The following HAO1 variants were observed in gnomAD, a reference collection of about 807,000 sequenced individuals.
The protein encoded by HAO1 is 2-Hydroxyacid oxidase 1.
HAO1 carries 34 observed loss-of-function variants against 39.7 expected under a neutral mutation model. The ratio of observed to expected loss-of-function variants is 0.86; its 90% CI spans 0.65 to 1.14. The LOEUF is 1.14. Ranked by LOEUF, HAO1 falls within the 50% of genes most tolerant of loss-of-function variation. HAO1 has a pLI of 0.00. For synonymous variants in HAO1, 172 were observed against 173.2 expected, an observed-to-expected ratio of 0.99 and a Z score of 0.05; for missense variants, 479 against 464.5, an observed-to-expected ratio of 1.03 and a Z score of -0.29.
At chr20:7,900,797 A>G (rs2050218095) in intron 4 of HAO1, among the ~76,000 whole-genome samples, 1 of 152,198 alleles carries the variant, frequency 6.6e-6, no homozygotes, top group Non-Finnish European at 1.5e-5. Context: ...AAAACCAGAA[A>G]TTATTAAGCT....
chr20:7,893,849 TC>T (rs1351155990), intron 5 of HAO1, among the ~76,000 whole-genome samples: 1 of 152,072 alleles, frequency 6.6e-6, no homozygotes, highest in African/African-American at 2.4e-5. Flanking sequence ...CTATTGCAAT[TC>T]CCCGTCTTGA....
chr20:7,940,219 G>A, intron 1 of HAO1, 67 bp downstream of exon 1: 2 of 1,300,280 alleles, frequency 1.5e-6, no homozygotes, highest in Non-Finnish European at 2.1e-6. Flanking sequence ...GTAAAACTAG[G>A]AGATCTTATT....
At chr20:7,916,663 G>A (rs1051774744) in intron 2 of HAO1, among the ~76,000 whole-genome samples, 2 of 152,094 alleles carry the variant, frequency 1.3e-5, no homozygotes, top group Non-Finnish European at 2.9e-5. Flanking sequence ...AGATAGTAAA[G>A]GTCTAAGTTC....
At chr20:7,886,389 G>T (rs1199927505) in intron 5 of HAO1, among the ~76,000 whole-genome samples, 10 of 152,032 alleles carry the variant, frequency 6.6e-5, no homozygotes, top group Non-Finnish European at 1.3e-4. Context: ...GGCCAGACTG[G>T]TCTCGAACTC....
chr20:7,890,172 G>A (rs2050167713), intron 5 of HAO1, among the ~76,000 whole-genome samples: 1 of 151,982 alleles, frequency 6.6e-6, no homozygotes, highest in African/African-American at 2.4e-5. Flanking sequence ...CTCCCCTCAT[G>A]TATACGACAT....
intron 3 of HAO1, among the ~76,000 whole-genome samples, chr20:7,907,422 A>G (rs946338005): frequency 2.6e-5 from 4 of 152,142 alleles, no homozygotes; most frequent in African/African-American, 9.6e-5. Flanking sequence ...AGAATTTTCC[A>G]GCAGGGTTAA....
In HAO1 at chr20:7,906,299, T is replaced by TA. The variant is rs760000168; in HGVS notation, c.575_576insT (p.Phe193IlefsTer4). On this transcript the variant is annotated frameshift_variant, in exon 4 of 8. Transcript: ENST00000378789. LOFTEE classifies it high-confidence loss of function. ...CTCCAAAATTTTCCTCAGGAGAAAA[T>TA]GATAAAGTACTGGTTTCAAAATTTT... 6 of 1,611,192 alleles carry TA rather than the reference T, an allele frequency of 3.7e-6. No individual in the cohort carries two copies. The highest frequency in any genetic ancestry group is 5.1e-6 in the Non-Finnish European group (6 of 1,177,598).
chr20:7,909,712 T>G (rs1230011677), intron 3 of HAO1, among the ~76,000 whole-genome samples: 1 of 151,932 alleles, frequency 6.6e-6, no homozygotes, highest in Non-Finnish European at 1.5e-5. Flanking sequence ...TCATGAATAT[T>G]GAGTAATACA....
At chr20:7,928,527 A>G (rs905551346) in intron 2 of HAO1, among the ~76,000 whole-genome samples, 4 of 145,702 alleles carry the variant, frequency 2.7e-5, no homozygotes, top group African/African-American at 1.0e-4. Flanking sequence ...CAGCAGAACT[A>G]TTTAAAGAAC....
rs1183728952 is a variant in HAO1 at position 7,914,328 on chromosome 20, A to G, written c.381T>C (p.Arg127=). Residue 127 remains arginine, a synonymous_variant, in exon 3 of 8, where the codon CGT becomes CGC. Transcript: ENST00000378789. ...CCTTGTAGATATACAGTTGCAGCCA[A>G]CGAAGTGCCTCAGGACCAGCTTCCG... ...EVAEAGPEAL[R]WLQLYIYKDR... 7 of 1,614,088 alleles carry G rather than the reference A, an allele frequency of 4.3e-6. No individual in the cohort carries two copies. Among genetic ancestry groups the G allele is most frequent in the Non-Finnish European group, 5.9e-6 (7 of 1,179,990 alleles).
Position 7,895,179 on chromosome 20 carries a change from A to C in HAO1, c.767T>G (p.Leu256Trp). The C allele has an allele frequency of 6.2e-7, 1 of 1,613,054 alleles. No individual in the cohort carries two copies. The highest frequency in any genetic ancestry group is 8.5e-7 in the Non-Finnish European group (1 of 1,179,130). Residue 256 changes from leucine to tryptophan, a missense_variant, in exon 5 of 8, where the codon TTG becomes TGG. Physicochemically the swap from Leu to Trp is moderately conservative, Grantham distance 61 (BLOSUM62 -2). Transcript: ENST00000378789. ...EAVKHGLNGI[L>W]VSNHGARQLD... Reference sequence around the variant, plus strand: ...TTGTCGAGCCCCATGATTCGACACCAAGATCCCATTCAAGCCATGTTTAAC... The same window carrying C: ...TTGTCGAGCCCCATGATTCGACACCCAGATCCCATTCAAGCCATGTTTAAC...
chr20:7,908,468 T>C (rs547549278), intron 3 of HAO1, among the ~76,000 whole-genome samples: 2 of 152,150 alleles, frequency 1.3e-5, no homozygotes, highest in East Asian at 3.9e-4. Context: ...TTAACAATCA[T>C]GACTTCCTTT....
intron 2 of HAO1, among the ~76,000 whole-genome samples, chr20:7,915,130 T>A (rs1405602512): frequency 2.0e-5 from 3 of 150,424 alleles, no homozygotes; most frequent in Non-Finnish European, 4.5e-5. Context: ...CAAAAAAAAA[T>A]AATATTATTA....
chr20:7,885,729 T>C lies in HAO1; in HGVS notation c.949A>G (p.Ile317Val), dbSNP rs150881591. ...GAKAVFVGRP[I>V]VWGLAFQGEK... is the part of the protein sequence containing the mutation. ...ACCTGGAAAGCTAAGCCCCAAACGA[T>C]TGGTCTCCCCACAAACACAGCCTTG... Residue 317 changes from isoleucine (I) to valine (V), a missense_variant, in exon 6 of 8, where the codon ATC becomes GTC. Transcript: ENST00000378789. 5.1e-4 allele frequency: 825 copies of C among 1,613,552 alleles called. No individual in the cohort carries two copies. The highest frequency in any genetic ancestry group is 6.6e-4 in the Non-Finnish European group (781 of 1,179,600).
At chr20:7,934,449 T>A in intron 2 of HAO1, 35 bp downstream of exon 2, 2 of 1,565,382 alleles carry the variant, frequency 1.3e-6, no homozygotes, top group Non-Finnish European at 1.7e-6. Flanking sequence ...AACGTTAGCC[T>A]CCTTCTGTCC....
intron 4 of HAO1, among the ~76,000 whole-genome samples, chr20:7,896,747 T>C (rs1354537596): frequency 6.6e-6 from 1 of 152,180 alleles, no homozygotes; most frequent in Non-Finnish European, 1.5e-5. Flanking sequence ...TTCCATTTAC[T>C]GTGAAACTTC....
chr20:7,926,633 A>C (rs1365725549), intron 2 of HAO1, among the ~76,000 whole-genome samples: 2 of 152,068 alleles, frequency 1.3e-5, no homozygotes, highest in African/African-American at 2.4e-5. Context: ...TCTCACCTAC[A>C]CCCTAATGCA....
chr20:7,906,568 A>G (rs183699782), intron 3 of HAO1, among the ~76,000 whole-genome samples: 2 of 152,238 alleles, frequency 1.3e-5, no homozygotes, highest in East Asian at 1.9e-4. Context: ...CTGTGTTTAC[A>G]CAAACAAATC....
intron 2 of HAO1, among the ~76,000 whole-genome samples, chr20:7,927,950 T>C (rs1462450604): frequency 6.6e-6 from 1 of 152,166 alleles, no homozygotes; most frequent in South Asian, 2.1e-4. Flanking sequence ...TCTCAGGGTT[T>C]TGCACTCACA....
Sources: gnomAD v4.1 joint callset for allele counts (sites outside exome capture counted in the v4.1 genomes callset) on GRCh38, gnomAD v4.1.1 for gene constraint, MANE v1.5 for transcripts, NCBI Gene and HGNC (gene_info 2026-07-23, HGNC 2026-07-21) for gene names.